Variants in ZSWIM6 observed in about 807,000 individuals in gnomAD.
ZSWIM6 encodes the protein zinc finger SWIM-type containing 6.
Under a neutral mutation model 113.2 loss-of-function variants are expected in ZSWIM6, and 9 were observed. The ratio of observed to expected loss-of-function variants is 0.08; its 90% CI spans 0.05 to 0.14. ZSWIM6 has a LOEUF of 0.14. ZSWIM6 is among the 10% of genes least tolerant of loss of function. The pLI is 1.00. For synonymous variants in ZSWIM6, 611 were observed against 606.5 expected (o/e 1.01, Z -0.11); for missense variants, 1,162 against 1,552.2 (o/e 0.75, Z 4.22).
intron 5 of ZSWIM6, among the ~76,000 whole-genome samples, chr5:61,522,810 A>G (rs771851530): frequency 1.3e-5 from 2 of 152,248 alleles, no homozygotes; most frequent in Non-Finnish European, 2.9e-5. Context: ...CTACATCTAC[A>G]TAGGTAATAT....
chr5:61,437,717 C>CAAA (rs1177075747), intron 1 of ZSWIM6, among the ~76,000 whole-genome samples: 21 of 56,822 alleles, frequency 3.7e-4, no homozygotes, highest in African/African-American at 6.2e-4. Flanking sequence ...ACCCTTTCTC[C>CAAA]AAAAAAAAAA....
At chr5:61,425,702 G>T (rs76455939) in intron 1 of ZSWIM6, among the ~76,000 whole-genome samples, 379 of 152,110 alleles carry the variant, frequency 2.5e-3, no homozygotes, top group African/African-American at 8.7e-3. Flanking sequence ...AGGAAGAGAA[G>T]AGGAGGGTTC....
intron 1 of ZSWIM6, among the ~76,000 whole-genome samples, chr5:61,431,703 C>T (rs1033471818): frequency 6.6e-6 from 1 of 152,062 alleles, no homozygotes; most frequent in Non-Finnish European, 1.5e-5. Flanking sequence ...CAAGATGGCA[C>T]CACTGCACTC....
chr5:61,495,119 T>C (rs1291640457), intron 4 of ZSWIM6, among the ~76,000 whole-genome samples: 1 of 152,204 alleles, frequency 6.6e-6, no homozygotes, highest in African/African-American at 2.4e-5. Flanking sequence ...TTGACAAATA[T>C]ATCAGTACCT....
chr5:61,527,796 A>AT (rs1364197384), intron 7 of ZSWIM6, among the ~76,000 whole-genome samples: 1 of 152,228 alleles, frequency 6.6e-6, no homozygotes, highest in Non-Finnish European at 1.5e-5. Flanking sequence ...CATATTATAC[A>AT]TTTTATGAAT....
intron 1 of ZSWIM6, among the ~76,000 whole-genome samples, chr5:61,403,647 G>T (rs1164569820): frequency 6.6e-6 from 1 of 152,146 alleles, no homozygotes; most frequent in Non-Finnish European, 1.5e-5. Flanking sequence ...AAAGAAAAGA[G>T]AATCTTTTGA....
intron 2 of ZSWIM6, among the ~76,000 whole-genome samples, chr5:61,482,292 G>A (rs1747889167): frequency 6.6e-6 from 1 of 151,984 alleles, no homozygotes; most frequent in Non-Finnish European, 1.5e-5. Flanking sequence ...AGTGGGAGTT[G>A]AACAATGAGA....
intron 4 of ZSWIM6, among the ~76,000 whole-genome samples, chr5:61,505,137 A>C (rs1472740147): frequency 6.6e-6 from 1 of 152,188 alleles, no homozygotes; most frequent in African/African-American, 2.4e-5. Flanking sequence ...TGAGCCATGA[A>C]ACTGTTTATG....
intron 1 of ZSWIM6, among the ~76,000 whole-genome samples, chr5:61,396,524 T>C (rs1406723733): frequency 7.1e-6 from 1 of 140,170 alleles, no homozygotes; most frequent in Non-Finnish European, 1.5e-5. Context: ...AGTGAGACTC[T>C]GTCTCAAAAA....
chr5:61,514,356 T>A (rs1748875585), intron 4 of ZSWIM6, among the ~76,000 whole-genome samples: 1 of 152,058 alleles, frequency 6.6e-6, no homozygotes, highest in African/African-American at 2.4e-5. Context: ...TTCCACTTGA[T>A]GTCTTTAATC....
chr5:61,334,757 C>T (rs191812273), intron 1 of ZSWIM6, among the ~76,000 whole-genome samples: 1 of 152,130 alleles, frequency 6.6e-6, no homozygotes, highest in Non-Finnish European at 1.5e-5. Flanking sequence ...AATTAACATT[C>T]TTCCTAGTTA....
intron 1 of ZSWIM6, among the ~76,000 whole-genome samples, chr5:61,415,039 A>T (rs1746218708): frequency 6.6e-6 from 1 of 152,160 alleles, no homozygotes; most frequent in Non-Finnish European, 1.5e-5. Flanking sequence ...TTGCTCGAGG[A>T]TACACAGCCA....
chr5:61,415,410 T>C (rs1025972924), intron 1 of ZSWIM6, among the ~76,000 whole-genome samples: 1 of 152,036 alleles, frequency 6.6e-6, no homozygotes, highest in Middle Eastern at 3.2e-3. Context: ...CTGGCCAACA[T>C]ATTGAAACCC....
intron 1 of ZSWIM6, among the ~76,000 whole-genome samples, chr5:61,440,532 A>G (rs985985739): frequency 2.6e-5 from 4 of 152,328 alleles, no homozygotes; most frequent in African/African-American, 9.6e-5. Context: ...TTAGCAGAGC[A>G]TTAAAGATAC....
At chr5:61,487,010 C>T (rs1748036418) in intron 2 of ZSWIM6, among the ~76,000 whole-genome samples, 1 of 151,986 alleles carries the variant, frequency 6.6e-6, no homozygotes, top group African/African-American at 2.4e-5. Context: ...AGACCAGTGT[C>T]CAGGAGAATT....
intron 2 of ZSWIM6, among the ~76,000 whole-genome samples, chr5:61,482,230 A>G (rs1464458246): frequency 6.6e-6 from 1 of 152,212 alleles, no homozygotes; most frequent in Non-Finnish European, 1.5e-5. Context: ...TAGGATTTAA[A>G]TAGTTAAAAC....
intron 8 of ZSWIM6, among the ~76,000 whole-genome samples, chr5:61,530,696 G>T (rs1174754060): frequency 1.3e-5 from 2 of 152,114 alleles, no homozygotes; most frequent in Admixed American, 6.5e-5. Context: ...TTTCACTTTG[G>T]CCCATTGAAA....
At chr5:61,502,024 C>T (rs1455009935) in intron 4 of ZSWIM6, among the ~76,000 whole-genome samples, 1 of 152,096 alleles carries the variant, frequency 6.6e-6, no homozygotes, top group African/African-American at 2.4e-5. Flanking sequence ...CTAGAGAGTA[C>T]TATCATGGTA....
chr5:61,453,687 C>G (rs1427706248), intron 1 of ZSWIM6, among the ~76,000 whole-genome samples: 2 of 151,548 alleles, frequency 1.3e-5, no homozygotes, highest in East Asian at 3.9e-4. Context: ...CTTTTACTCT[C>G]TTAGCATTTT....
Sources: gnomAD v4.1 joint callset for allele counts (sites outside exome capture counted in the v4.1 genomes callset) on GRCh38, gnomAD v4.1.1 for gene constraint, MANE v1.5 for transcripts, NCBI Gene and HGNC (gene_info 2026-07-23, HGNC 2026-07-21) for gene names.